WDR27: variants seen among roughly 807,000 people sequenced by gnomAD.
WDR27 encodes WD repeat-containing protein 27.
In WDR27, 100 loss-of-function variants were observed where a neutral mutation model predicts 114.4. The observed-to-expected ratio is 0.87, with a 90% confidence interval of 0.74 to 1.03. The LOEUF (loss-of-function observed/expected upper bound fraction) is 1.03, where lower values mean the gene tolerates loss of function less well. WDR27 is among the 50% of genes least tolerant of loss of function. WDR27 has a pLI of 0.00. For synonymous variants in WDR27, 449 were observed against 423.1 expected, an observed-to-expected ratio of 1.06 and a Z score of -0.75; for missense variants, 1,129 against 1,092.9, an observed-to-expected ratio of 1.03 and a Z score of -0.47.
intron 23 of WDR27, among the ~76,000 whole-genome samples, chr6:169,598,308 T>C (rs566082597): frequency 7.7e-4 from 117 of 152,314 alleles, no homozygotes; most frequent in African/African-American, 2.7e-3. Context: ...AGAATGGAAA[T>C]GTATATTCTT....
At chr6:169,531,805 C>A (rs1191956540) in intron 25 of WDR27, among the ~76,000 whole-genome samples, 1 of 152,096 alleles carries the variant, frequency 6.6e-6, no homozygotes, top group Non-Finnish European at 1.5e-5. Context: ...AGGCACCCAC[C>A]ACCATGCCTG....
chr6:169,477,935 T>C (rs1223746558), intron 25 of WDR27, among the ~76,000 whole-genome samples: 1 of 152,172 alleles, frequency 6.6e-6, no homozygotes, highest in African/African-American at 2.4e-5. Context: ...ATGTGACATA[T>C]CTATGCAATG....
At chr6:169,585,901 C>G (rs1804459199) in intron 23 of WDR27, among the ~76,000 whole-genome samples, 1 of 152,120 alleles carries the variant, frequency 6.6e-6, no homozygotes, top group South Asian at 2.1e-4. Context: ...TATTTTCTGC[C>G]TGACATTTTT....
At chr6:169,621,751 C>T (rs904475713) in intron 21 of WDR27, among the ~76,000 whole-genome samples, 15 of 151,744 alleles carry the variant, frequency 9.9e-5, no homozygotes, top group East Asian at 2.0e-4. Flanking sequence ...CACACACACA[C>T]GCACACATAT....
At position 169,472,283 on chromosome 6, in the gene WDR27, T is replaced by C. The variant is rs148150339; in HGVS notation, c.2646-14649A>G. Among the ~76,000 whole-genome samples the C allele has an allele frequency of 1.7e-4, 26 of 152,342 alleles. No individual in the cohort carries two copies. The East Asian group carries it at 4.6e-3, about 27-fold the overall frequency. The stretch of plus-strand genomic sequence containing the variant: ...AGATACATACATACATAAAATGTCC[T>C]GCATTAGAGAAGACTTGCAGAGCCA... On this transcript the variant is annotated intron_variant, in intron 25 of 25. Transcript: ENST00000448612.
At chr6:169,470,472 A>C (rs115206781) in intron 25 of WDR27, among the ~76,000 whole-genome samples, 1 of 152,260 alleles carries the variant, frequency 6.6e-6, no homozygotes, top group Non-Finnish European at 1.5e-5. Flanking sequence ...GTAACAAAAT[A>C]CCATATACTA....
intron 7 of WDR27, chr6:169,664,547 C>T (rs1827237247): frequency 1.5e-6 from 2 of 1,330,660 alleles, no homozygotes; most frequent in Non-Finnish European, 1.9e-6. Context: ...TGCAGGCCTC[C>T]CCAAGATGCT....
chr6:169,432,107 TCACACA>T, the WDR27 span, among the ~76,000 whole-genome samples: 2 of 152,186 alleles, frequency 1.3e-5, no homozygotes, highest in African/African-American at 4.8e-5. Flanking sequence ...AAAACAGCAG[TCACACA>T]CACAAACATT....
intron 25 of WDR27, among the ~76,000 whole-genome samples, chr6:169,471,925 C>T (rs78830547): frequency 0.02 from 3,030 of 152,240 alleles, 57 homozygotes; most frequent in East Asian, 0.06. Flanking sequence ...CCTCACATGG[C>T]GGGAGGGGCA....
In WDR27 at chr6:169,624,584, CG is replaced by C. The variant is rs377741605; in HGVS notation, c.2223+8362del. ...ACCTAAATCGAAAACAGCCATCGAC[CG>C]TTTCCAGGGAGTCAGGTGACCTCCC... On this transcript the variant is annotated intron_variant, in intron 21 of 25. Coordinates refer to ENST00000448612, the MANE Select transcript of WDR27 (RefSeq NM_182552.5). Among the ~76,000 whole-genome samples, 30 of 152,268 alleles carry C rather than the reference CG, an allele frequency of 2.0e-4. No individual in the cohort carries two copies. The East Asian group carries it at 2.7e-3, about 14-fold the overall frequency.
chr6:169,581,526 C>T (rs770931626), intron 24 of WDR27, among the ~76,000 whole-genome samples: 2 of 152,204 alleles, frequency 1.3e-5, no homozygotes, highest in Non-Finnish European at 2.9e-5. Flanking sequence ...ATGGCAGTCT[C>T]ATCATGGAAA....
intron 25 of WDR27, among the ~76,000 whole-genome samples, chr6:169,563,874 C>A (rs1009396278): frequency 2.0e-5 from 3 of 152,180 alleles, no homozygotes; most frequent in Non-Finnish European, 2.9e-5. Flanking sequence ...AACATCACAT[C>A]CGTGACATGA....
intron 13 of WDR27, among the ~76,000 whole-genome samples, chr6:169,653,127 C>T (rs546001519): frequency 4.6e-5 from 7 of 152,340 alleles, no homozygotes; most frequent in African/African-American, 1.7e-4. Flanking sequence ...GCACTGCTCG[C>T]CACTCAGCAT....
At chr6:169,498,938 G>A (rs971969019) in intron 25 of WDR27, among the ~76,000 whole-genome samples, 3 of 152,134 alleles carry the variant, frequency 2.0e-5, no homozygotes, top group African/African-American at 7.2e-5. Context: ...ATACTGCACG[G>A]AACTGCATAC....
chr6:169,656,649 GGGCCCAGGAGGAGGAGGCTGGGAT>G (rs939004472), intron 13 of WDR27, among the ~76,000 whole-genome samples: 3 of 152,022 alleles, frequency 2.0e-5, no homozygotes, highest in Non-Finnish European at 2.9e-5. Context: ...AGGCCCAGGA[GGGCCCAGGAGGAGGAGGCTGGGAT>G]GGCCCAGGAG....
intron 1 of WDR27, among the ~76,000 whole-genome samples, chr6:169,693,658 G>A (rs557421531): frequency 6.6e-6 from 1 of 151,260 alleles, no homozygotes. Flanking sequence ...CACACAAATG[G>A]AAACAAAAAG....
chr6:169,666,125 C>T (rs1018349200), intron 6 of WDR27, among the ~76,000 whole-genome samples: 1 of 152,162 alleles, frequency 6.6e-6, no homozygotes, highest in Non-Finnish European at 1.5e-5. Flanking sequence ...AAAAATACTA[C>T]ATATCCTAAT....
At chr6:169,434,124 G>A in the WDR27 span, among the ~76,000 whole-genome samples, 3 of 152,132 alleles carry the variant, frequency 2.0e-5, no homozygotes, top group African/African-American at 7.2e-5. Flanking sequence ...GGCTTTTGTT[G>A]CCATTGCTTT....
intron 1 of WDR27, among the ~76,000 whole-genome samples, chr6:169,689,912 G>A (rs368459199): frequency 2.7e-4 from 39 of 146,884 alleles, no homozygotes; most frequent in African/African-American, 8.9e-4. Context: ...CCCATGTGGC[G>A]CTCATGCTGG....
Sources: allele counts gnomAD v4.1 joint callset (sites outside exome capture counted in the v4.1 genomes callset), GRCh38; gene constraint gnomAD v4.1.1; transcripts MANE v1.5; gene names NCBI Gene and HGNC (gene_info 2026-07-23, HGNC 2026-07-21).